The following KLF12 variants were observed in gnomAD, a reference collection of about 807,000 sequenced individuals.
KLF12 encodes KLF transcription factor 12.
KLF12 carries 9 observed loss-of-function variants against 37.8 expected under a neutral mutation model. The ratio of observed to expected loss-of-function variants is 0.24; its 90% confidence interval spans 0.14 to 0.42. The LOEUF (loss-of-function observed/expected upper bound fraction) is 0.42. Ranked by LOEUF, KLF12 falls within the 10% of genes least tolerant of loss-of-function variation. KLF12 has a pLI of 1.00. For missense variants in KLF12, 411 were observed against 516.0 expected (o/e 0.80, Z 1.97); for synonymous variants, 208 against 202.1 (o/e 1.03, Z -0.25).
At chr13:73,814,774 G>T (rs1019567209) in intron 4 of KLF12, among the ~76,000 whole-genome samples, 3 of 152,106 alleles carry the variant, frequency 2.0e-5, no homozygotes, top group South Asian at 4.2e-4. Flanking sequence ...GATAGGGAGG[G>T]TGCTACTGGC....
At chr13:74,243,050 T>G in the KLF12 span, among the ~76,000 whole-genome samples, 5 of 152,190 alleles carry the variant, frequency 3.3e-5, no homozygotes, top group Non-Finnish European at 5.9e-5. Context: ...CAACCTATCA[T>G]CTAGGTTTTA....
chr13:74,283,903 A>G, the KLF12 span, among the ~76,000 whole-genome samples: 1 of 148,106 alleles, frequency 6.8e-6, no homozygotes, highest in East Asian at 2.0e-4. Context: ...TCTGTCACCC[A>G]GGCTGGAGTG....
chr13:73,950,552 T>G (rs7329130), intron 2 of KLF12, among the ~76,000 whole-genome samples: 135,781 of 152,190 alleles, frequency 0.89, 60,866 homozygotes, highest in Non-Finnish European at 0.94. Context: ...CCTTAAATAT[T>G]CAGTGAGGGC....
At chr13:74,225,078 GACATA>G in the KLF12 span, among the ~76,000 whole-genome samples, 2 of 152,092 alleles carry the variant, frequency 1.3e-5, no homozygotes, top group African/African-American at 2.4e-5. Flanking sequence ...GATTATCAAT[GACATA>G]ACATAACAGA....
At chr13:73,862,917 A>T (rs972999898) in intron 3 of KLF12, among the ~76,000 whole-genome samples, 1 of 152,172 alleles carries the variant, frequency 6.6e-6, no homozygotes, top group East Asian at 1.9e-4. Flanking sequence ...AACTCACATT[A>T]TATGATTCAT....
At chr13:73,979,450 A>G (rs1455915009) in intron 2 of KLF12, among the ~76,000 whole-genome samples, 1 of 151,928 alleles carries the variant, frequency 6.6e-6, no homozygotes, top group African/African-American at 2.4e-5. Flanking sequence ...TTAATTAAAG[A>G]TTAATTTTCT....
At position 73,688,086 on chromosome 13, in the gene KLF12, A is replaced by C. The variant is rs1016314753; in HGVS notation, c.*7404T>G. On this transcript the variant is annotated 3_prime_UTR_variant, in exon 8 of 8. Transcript: ENST00000377669. ...TTTCCCCAGCCAAGTAACAGGGAGA[A>C]AGATAATAATTCAGGAGATTCATTT... The C allele has an allele frequency of 6.6e-6, 1 of 152,612 alleles. No homozygotes were observed. Among genetic ancestry groups the C allele is most frequent in the Non-Finnish European group, 1.5e-5 (1 of 68,028 alleles). 9.5% of individuals were successfully genotyped at this position (152,612 alleles called of 1,614,324 possible).
At chr13:73,904,896 C>T (rs936587828) in intron 3 of KLF12, among the ~76,000 whole-genome samples, 3 of 150,414 alleles carry the variant, frequency 2.0e-5, no homozygotes, top group Non-Finnish European at 4.4e-5. Flanking sequence ...GAATACCAGG[C>T]TTGTCAGACT....
chr13:73,964,157 G>C (rs1267642836), intron 2 of KLF12, among the ~76,000 whole-genome samples: 1 of 152,148 alleles, frequency 6.6e-6, no homozygotes, highest in Non-Finnish European at 1.5e-5. Context: ...GTGGGCAATG[G>C]AAAAGTAATA....
At chr13:74,192,363 C>G in the KLF12 span, among the ~76,000 whole-genome samples, 1 of 152,178 alleles carries the variant, frequency 6.6e-6, no homozygotes, top group East Asian at 1.9e-4. Context: ...TTGAACTAGT[C>G]TAGGATACCT....
chr13:74,015,390 A>C (rs957309296), intron 1 of KLF12, among the ~76,000 whole-genome samples: 2 of 152,182 alleles, frequency 1.3e-5, no homozygotes, highest in Non-Finnish European at 2.9e-5. Flanking sequence ...TGTATCATAA[A>C]CTGGCTAAAG....
chr13:73,836,840 C>T (rs1884460321), intron 4 of KLF12, among the ~76,000 whole-genome samples: 1 of 152,034 alleles, frequency 6.6e-6, no homozygotes, highest in Non-Finnish European at 1.5e-5. Context: ...GAATACTTTA[C>T]CAGTAAAATG....
intron 3 of KLF12, among the ~76,000 whole-genome samples, chr13:73,901,140 A>C (rs559856927): frequency 1.3e-5 from 2 of 152,314 alleles, no homozygotes; most frequent in South Asian, 4.1e-4. Context: ...TTGTTCAAAA[A>C]CTTCATCCAC....
the KLF12 span, among the ~76,000 whole-genome samples, chr13:74,202,253 T>G: frequency 6.6e-6 from 1 of 152,150 alleles, no homozygotes; most frequent in African/African-American, 2.4e-5. Context: ...AGAATTTTAC[T>G]TGCATTTTCT....
At chr13:73,883,499 C>A (rs923003117) in intron 3 of KLF12, among the ~76,000 whole-genome samples, 5 of 152,114 alleles carry the variant, frequency 3.3e-5, no homozygotes, top group African/African-American at 1.2e-4. Context: ...AGGGAAGAAC[C>A]CCCTAAGATC....
intron 1 of KLF12, among the ~76,000 whole-genome samples, chr13:74,108,754 T>G (rs1333542239): frequency 6.6e-6 from 1 of 152,140 alleles, no homozygotes; most frequent in East Asian, 1.9e-4. Flanking sequence ...TTACTATTGA[T>G]TAAGTGGAAG....
chr13:74,206,389 T>C, the KLF12 span, among the ~76,000 whole-genome samples: 5 of 152,178 alleles, frequency 3.3e-5, no homozygotes, highest in African/African-American at 1.2e-4. Flanking sequence ...AAAATAGTAT[T>C]CAACAACAGA....
chr13:73,993,115 C>T (rs1439147626), intron 2 of KLF12, among the ~76,000 whole-genome samples: 12 of 152,144 alleles, frequency 7.9e-5, no homozygotes, highest in Non-Finnish European at 1.5e-5. Context: ...CACCTGTAAT[C>T]CCAGCTACTT....
intron 1 of KLF12, among the ~76,000 whole-genome samples, chr13:74,059,947 A>G (rs1873475841): frequency 6.6e-6 from 1 of 152,158 alleles, no homozygotes; most frequent in African/African-American, 2.4e-5. Flanking sequence ...ATATGGTGAG[A>G]GACAGGGGTC....
Sources: gnomAD v4.1 joint callset for allele counts (sites outside exome capture counted in the v4.1 genomes callset) on GRCh38, gnomAD v4.1.1 for gene constraint, MANE v1.5 for transcripts, NCBI Gene and HGNC (gene_info 2026-07-23, HGNC 2026-07-21) for gene names.